The following USH2A variants were observed in gnomAD, a reference collection of about 807,000 sequenced individuals.
USH2A encodes the protein usherin.
USH2A carries 443 observed loss-of-function variants against 538.9 expected under a neutral mutation model. That is an observed-to-expected ratio of 0.82 (90% CI 0.76 to 0.89). The LOEUF (loss-of-function observed/expected upper bound fraction) is 0.89, where lower values mean the gene tolerates loss of function less well. USH2A is among the 40% of genes least tolerant of loss of function. USH2A has a pLI of 0.00. For missense variants in USH2A, 6,633 were observed against 6,324.8 expected (o/e 1.05, Z -1.65); for synonymous variants, 2,413 against 2,273.5 (o/e 1.06, Z -1.75).
intron 20 of USH2A, among the ~76,000 whole-genome samples, chr1:216,182,425 T>C (rs1418584822): frequency 6.6e-6 from 1 of 152,060 alleles, no homozygotes; most frequent in African/African-American, 2.4e-5. Flanking sequence ...AAAAGGCCAG[T>C]AGAGCCCCTG....
At chr1:215,633,556 T>A (rs183507976) in intron 70 of USH2A, among the ~76,000 whole-genome samples, 6 of 152,298 alleles carry the variant, frequency 3.9e-5, no homozygotes, top group Non-Finnish European at 8.8e-5. Flanking sequence ...GCTGTTTTTT[T>A]AAATGTTGAA....
At chr1:216,344,582 A>G (rs1571723093) in intron 4 of USH2A, among the ~76,000 whole-genome samples, 1 of 152,134 alleles carries the variant, frequency 6.6e-6, no homozygotes, top group Middle Eastern at 3.4e-3. Flanking sequence ...GGAAGGGACA[A>G]CACGGAGGAG....
chr1:216,329,968 T>C (rs1378740874), intron 4 of USH2A, among the ~76,000 whole-genome samples: 4 of 152,116 alleles, frequency 2.6e-5, no homozygotes, highest in Non-Finnish European at 4.4e-5. Flanking sequence ...CTAAAATATT[T>C]TATATAACCT....
At chr1:216,407,476 T>G (rs772288029) in intron 3 of USH2A, among the ~76,000 whole-genome samples, 2 of 152,150 alleles carry the variant, frequency 1.3e-5, no homozygotes, top group South Asian at 4.1e-4. Flanking sequence ...ACATATGCCC[T>G]TATTATGCAT....
At chr1:216,374,221 T>C (rs2038772125) in intron 3 of USH2A, among the ~76,000 whole-genome samples, 1 of 151,512 alleles carries the variant, frequency 6.6e-6, no homozygotes, top group Non-Finnish European at 1.5e-5. Flanking sequence ...GCCTGCACAT[T>C]GTGCACATGT....
chr1:216,196,372 T>C (rs1445188072), intron 19 of USH2A, among the ~76,000 whole-genome samples, 181 bp downstream of exon 19: 2 of 152,192 alleles, frequency 1.3e-5, no homozygotes, highest in African/African-American at 2.4e-5. Context: ...ATGATTATAC[T>C]GGAAAAATAC....
intron 47 of USH2A, among the ~76,000 whole-genome samples, chr1:215,825,653 GC>G (rs1663130626): frequency 6.6e-6 from 1 of 151,476 alleles, no homozygotes; most frequent in Non-Finnish European, 1.5e-5. Flanking sequence ...GTTTACACAG[GC>G]TTTTTTTCTA....
intron 11 of USH2A, among the ~76,000 whole-genome samples, chr1:216,286,701 G>C (rs1558365294): frequency 6.6e-6 from 1 of 152,024 alleles, no homozygotes; most frequent in Non-Finnish European, 1.5e-5. Flanking sequence ...TCCAGCCTGG[G>C]TGACAGAGCG....
rs111304270 is a variant in USH2A, at chr1:215,691,906, G to A, written c.12067-11530C>T. The stretch of plus-strand genomic sequence containing the variant: ...TCTAGGAATAGTCTAAGGAGAGAGT[G>A]TAGGTCAAGTAGAAGAGAGAGCTCA... On this transcript the variant is annotated intron_variant, in intron 61 of 71. Transcript: ENST00000307340. Among the ~76,000 whole-genome samples, 162 of 152,302 alleles carry A rather than the reference G, an allele frequency of 1.1e-3. 1 individual carries two copies. The highest frequency in any genetic ancestry group is 3.6e-3 in the African/African-American group (149 of 41,576).
At chr1:215,906,543 T>C (rs1253742198) in intron 38 of USH2A, among the ~76,000 whole-genome samples, 3 of 152,034 alleles carry the variant, frequency 2.0e-5, no homozygotes, top group Non-Finnish European at 2.9e-5. Context: ...AGAATAACTA[T>C]TAAATATATT....
chr1:215,863,419 T>G (rs907661741), intron 44 of USH2A, among the ~76,000 whole-genome samples: 2 of 152,200 alleles, frequency 1.3e-5, no homozygotes, highest in African/African-American at 4.8e-5. Context: ...TTTACAGATA[T>G]TGCCACCTTA....
At chr1:216,248,449 T>C (rs1412563846) in intron 12 of USH2A, among the ~76,000 whole-genome samples, 8 of 151,990 alleles carry the variant, frequency 5.3e-5, no homozygotes, top group Admixed American at 5.2e-4. Context: ...ATAATTGCAA[T>C]TTAAAAATTA....
At chr1:216,019,353 C>CTAAAAACCA (rs1668790173) in intron 32 of USH2A, among the ~76,000 whole-genome samples, 1 of 152,090 alleles carries the variant, frequency 6.6e-6, no homozygotes, top group Non-Finnish European at 1.5e-5. Context: ...GGAAGTAATA[C>CTAAAAACCA]TAAAAACCAT....
rs117948419 is a variant in USH2A, at chr1:216,253,578, C to T, written c.1972-2480G>A. 1.4e-3 allele frequency among the ~76,000 whole-genome samples: 206 copies of T among 152,140 alleles called. 1 individual carries two copies. The East Asian group carries it at 0.036, about 27-fold the overall frequency. The stretch of plus-strand genomic sequence containing the variant: ...ATTCCATCCCTGAATGACAGAAGTC[C>T]TCCTTAAGTTTATAAGAATTCTATG... On this transcript the variant is annotated intron_variant, in intron 11 of 71. Transcript: ENST00000307340.
At position 215,710,014 on chromosome 1, in the gene USH2A, T is replaced by C. The variant is rs10157850; in HGVS notation, c.12066+18016A>G. 9.1e-3 allele frequency among the ~76,000 whole-genome samples: 1,386 copies of C among 152,344 alleles called. 30 individuals carry two copies. The highest frequency in any genetic ancestry group is 0.032 in the African/African-American group (1,331 of 41,570). ...ATTTACACTGCCTCTCACTGCTGTG[T>C]TACTTACAAGATTGCAAGTGATCAG... On this transcript the variant is annotated intron_variant, in intron 61 of 71. Transcript: ENST00000307340.
At chr1:216,174,398 A>G in intron 21 of USH2A, 1 of 985,130 alleles carries the variant, frequency 1.0e-6, no homozygotes, top group Non-Finnish European at 1.2e-6. Flanking sequence ...TGCTATTAGA[A>G]GCTGTAAGTC....
At chr1:215,902,686 A>G (rs886350309) in intron 38 of USH2A, among the ~76,000 whole-genome samples, 3 of 152,172 alleles carry the variant, frequency 2.0e-5, no homozygotes, top group Non-Finnish European at 4.4e-5. Flanking sequence ...GATTATAGGA[A>G]GAAAATGCAA....
intron 55 of USH2A, among the ~76,000 whole-genome samples, chr1:215,767,190 A>C (rs913915900): frequency 6.6e-6 from 1 of 150,504 alleles, no homozygotes; most frequent in Non-Finnish European, 1.5e-5. Context: ...TTGTGATGAA[A>C]TCTTTCTATC....
intron 30 of USH2A, among the ~76,000 whole-genome samples, chr1:216,056,221 T>C (rs890923338): frequency 6.6e-6 from 1 of 152,184 alleles, no homozygotes; most frequent in African/African-American, 2.4e-5. Flanking sequence ...TGTTAACTCT[T>C]TACCTTACAT....
Sources: gnomAD v4.1 joint callset for allele counts (sites outside exome capture counted in the v4.1 genomes callset) on GRCh38, gnomAD v4.1.1 for gene constraint, MANE v1.5 for transcripts, NCBI Gene and HGNC (gene_info 2026-07-23, HGNC 2026-07-21) for gene names.